CDKL2: variants seen among roughly 807,000 people sequenced by gnomAD.
CDKL2 encodes the protein cyclin-dependent kinase-like 2.
A neutral mutation model predicts 63.9 loss-of-function variants in CDKL2; 64 were observed. The observed-to-expected ratio is 1.00, with a 90% CI of 0.82 to 1.23. CDKL2 has a LOEUF of 1.23. Ranked by LOEUF, CDKL2 falls within the 50% of genes most tolerant of loss-of-function variation. The probability of loss-of-function intolerance (pLI) is 0.00; values close to 1 mark genes in which losing one functional copy is unlikely to be tolerated. For synonymous variants in CDKL2, 211 were observed against 229.2 expected, an observed-to-expected ratio of 0.92 and a Z score of 0.72; for missense variants, 656 against 668.0, an observed-to-expected ratio of 0.98 and a Z score of 0.20.
chr4:75,586,857 T>A (rs2148861880), intron 12 of CDKL2, among the ~76,000 whole-genome samples: 1 of 152,086 alleles, frequency 6.6e-6, no homozygotes, highest in South Asian at 2.1e-4. Flanking sequence ...CATGCTTACA[T>A]TACAAAACAA....
chr4:75,626,466 A>T (rs981210980), intron 1 of CDKL2, among the ~76,000 whole-genome samples: 1 of 152,132 alleles, frequency 6.6e-6, no homozygotes, highest in Non-Finnish European at 1.5e-5. Context: ...GGAGATTGAG[A>T]CCATCCTGGC....
intron 1 of CDKL2, among the ~76,000 whole-genome samples, chr4:75,629,422 A>G (rs1022919358): frequency 6.6e-6 from 1 of 152,206 alleles, no homozygotes; most frequent in African/African-American, 2.4e-5. Context: ...TTCAAGTGAC[A>G]CTGTCCACAA....
In CDKL2 at chr4:75,596,020, GGAAGGAAGGAAGAAAGGAAGGAA is replaced by G. The variant is rs1728912754; in HGVS notation, c.1416+204_1416+226del. On this transcript the variant is annotated intron_variant, in intron 10 of 13. Coordinates refer to ENST00000307465, the MANE Select transcript of CDKL2 (RefSeq NM_001330724.2). ...AGGAAGGAAGGAAGGAAGGAAGGAA[GGAAGGAAGGAAGAAAGGAAGGAA>G]GGAGTTTTTAGACTCATAAAACTTA... 4 of 53,018 alleles carry G rather than the reference GGAAGGAAGGAAGAAAGGAAGGAA, an allele frequency of 7.5e-5. No individual in the cohort carries two copies. In the East Asian group the frequency reaches 1.1e-3, roughly 15 times the overall value. 3.3% of individuals were successfully genotyped at this position (53,018 alleles called of 1,614,324 possible).
In CDKL2 at chr4:75,576,533, G is replaced by C. The variant is rs1418150056; in HGVS notation, c.*2669C>G. ...TTTTTATTCATATAGATAGAGGAGT[G>C]TTAAGCACCCTCTTCTAGTGCAAAA... On this transcript the variant is annotated 3_prime_UTR_variant, in exon 14 of 14. Transcript: ENST00000307465. 2.0e-5 allele frequency among the ~76,000 whole-genome samples: 3 copies of C among 152,194 alleles called. No homozygotes were observed. Among genetic ancestry groups the C allele is most frequent in the Non-Finnish European group, 4.4e-5 (3 of 68,032 alleles).
chr4:75,626,512 G>A (rs1730420564), intron 1 of CDKL2, among the ~76,000 whole-genome samples: 1 of 151,970 alleles, frequency 6.6e-6, no homozygotes, highest in Non-Finnish European at 1.5e-5. Flanking sequence ...TAAAAATACA[G>A]AAAAATTAGC....
rs184514100 is a variant in CDKL2, at chr4:75,625,563, A to G, written c.168+258T>C. 2.4e-4 allele frequency among the ~76,000 whole-genome samples: 37 copies of G among 152,314 alleles called. No homozygotes were observed. In the East Asian group the frequency reaches 6.9e-3, roughly 29 times the overall value. On this transcript the variant is annotated intron_variant, in intron 2 of 13. Transcript: ENST00000307465. ...TACAAATAAGTAGAAAAAATGAAAT[A>G]ATAAAGAACAAAAATTAATGCTATT...
intron 2 of CDKL2, among the ~76,000 whole-genome samples, chr4:75,623,372 A>G (rs1045695730): frequency 2.0e-5 from 3 of 152,220 alleles, no homozygotes; most frequent in Non-Finnish European, 4.4e-5. Flanking sequence ...AATCTTACCT[A>G]TATAGGAGAA....
intron 2 of CDKL2, among the ~76,000 whole-genome samples, chr4:75,622,148 T>A (rs1177021565): frequency 1.3e-5 from 2 of 151,996 alleles, no homozygotes; most frequent in African/African-American, 4.8e-5. Context: ...ACAAAATAAT[T>A]TTTAAAAAGA....
chr4:75,580,324 G>T (rs1484216038), intron 13 of CDKL2, among the ~76,000 whole-genome samples: 2 of 152,098 alleles, frequency 1.3e-5, no homozygotes, highest in East Asian at 3.9e-4. Flanking sequence ...TACATAATGA[G>T]ATATTAAACA....
At chr4:75,614,911 T>C (rs1031093399) in intron 2 of CDKL2, among the ~76,000 whole-genome samples, 2 of 148,632 alleles carry the variant, frequency 1.3e-5, no homozygotes, top group Non-Finnish European at 3.0e-5. Context: ...AAACTATGTA[T>C]ACATATATAT....
At chr4:75,608,653 C>T (rs1042781453) in intron 3 of CDKL2, among the ~76,000 whole-genome samples, 1 of 152,024 alleles carries the variant, frequency 6.6e-6, no homozygotes, top group Admixed American at 6.6e-5. Flanking sequence ...TAGGTTGGTG[C>T]TCAGAGGAAT....
intron 6 of CDKL2, among the ~76,000 whole-genome samples, chr4:75,602,775 T>C (rs1473682029): frequency 6.6e-6 from 1 of 150,588 alleles, no homozygotes; most frequent in Non-Finnish European, 1.5e-5. Context: ...CCACCGGCCT[T>C]AGCCTCCCAA....
At chr4:75,627,563 G>C (rs1018462249) in intron 1 of CDKL2, among the ~76,000 whole-genome samples, 1 of 152,026 alleles carries the variant, frequency 6.6e-6, no homozygotes, top group Non-Finnish European at 1.5e-5. Context: ...GAGCCAGAGC[G>C]CCCGGCCTGA....
At chr4:75,583,757 A>T (rs1030725586) in intron 12 of CDKL2, among the ~76,000 whole-genome samples, 1 of 152,190 alleles carries the variant, frequency 6.6e-6, no homozygotes, top group Admixed American at 6.5e-5. Flanking sequence ...TTTTATTTCA[A>T]GGGGTACAAT....
At chr4:75,585,467 C>CCTGTAGT (rs1225757024) in intron 12 of CDKL2, among the ~76,000 whole-genome samples, 2 of 152,012 alleles carry the variant, frequency 1.3e-5, no homozygotes, top group African/African-American at 4.8e-5. Flanking sequence ...GTGAGCTGTG[C>CCTGTAGT]CTGTAGTCTT....
At chr4:75,589,717 T>C (rs1728627673) in intron 12 of CDKL2, among the ~76,000 whole-genome samples, 1 of 152,092 alleles carries the variant, frequency 6.6e-6, no homozygotes, top group South Asian at 2.1e-4. Flanking sequence ...TTTACAAATG[T>C]TTATATAACA....
intron 10 of CDKL2, among the ~76,000 whole-genome samples, chr4:75,594,967 A>T (rs1283256560): frequency 6.6e-6 from 1 of 152,170 alleles, no homozygotes; most frequent in Non-Finnish European, 1.5e-5. Flanking sequence ...GTTTAGCAGA[A>T]GAATGATGAG....
rs1412713323 is a variant in CDKL2, at chr4:75,577,703, T to C, written c.*1499A>G. Among the ~76,000 whole-genome samples the C allele has an allele frequency of 6.6e-6, 1 of 152,166 alleles. No homozygotes were observed. The highest frequency in any genetic ancestry group is 2.4e-5 in the African/African-American group (1 of 41,450). ...CAGCCTATTAATGCTGATACCCTAGTTTTTTCAGCATGTTATCCATACTAA... is the reference window on the plus strand; with the variant it reads ...CAGCCTATTAATGCTGATACCCTAGCTTTTTCAGCATGTTATCCATACTAA... On this transcript the variant is annotated 3_prime_UTR_variant, in exon 14 of 14. Coordinates refer to ENST00000307465, the MANE Select transcript of CDKL2 (RefSeq NM_001330724.2).
intron 12 of CDKL2, among the ~76,000 whole-genome samples, chr4:75,589,266 T>C (rs1026144377): frequency 2.7e-5 from 4 of 150,804 alleles, no homozygotes; most frequent in South Asian, 2.1e-4. Context: ...AAATACAAAA[T>C]AGTGTAGTCA....
Sources: allele counts gnomAD v4.1 joint callset (sites outside exome capture counted in the v4.1 genomes callset), GRCh38; gene constraint gnomAD v4.1.1; transcripts MANE v1.5; gene names NCBI Gene and HGNC (gene_info 2026-07-23, HGNC 2026-07-21).